The following RCAN2 variants were observed in gnomAD, a reference collection of about 807,000 sequenced individuals.
The protein encoded by RCAN2 is regulator of calcineurin 2.
RCAN2 carries 9 observed loss-of-function variants against 23.6 expected under a neutral mutation model. The observed-to-expected ratio is 0.38, with a 90% CI of 0.23 to 0.67. RCAN2 has a LOEUF of 0.67. RCAN2 is among the 30% of genes least tolerant of loss of function. RCAN2 has a pLI of 0.51. For missense variants in RCAN2, 273 were observed against 302.3 expected (o/e 0.90, Z 0.72); for synonymous variants, 109 against 115.7 (o/e 0.94, Z 0.37).
intron 2 of RCAN2, among the ~76,000 whole-genome samples, chr6:46,415,726 G>A (rs543911467): frequency 1.3e-5 from 2 of 152,240 alleles, no homozygotes; most frequent in Non-Finnish European, 1.5e-5. Flanking sequence ...ATAAACTAGG[G>A]TGATGCCCAG....
chr6:46,325,128 G>T (rs1437852689), intron 2 of RCAN2, among the ~76,000 whole-genome samples: 1 of 152,186 alleles, frequency 6.6e-6, no homozygotes, highest in African/African-American at 2.4e-5. Flanking sequence ...ATGAAAATGT[G>T]TCTACTCAGA....
chr6:46,303,484 T>C (rs1762972497), intron 2 of RCAN2, among the ~76,000 whole-genome samples: 1 of 152,124 alleles, frequency 6.6e-6, no homozygotes, highest in African/African-American at 2.4e-5. Context: ...TACTTGACCA[T>C]GAGGCCTTGG....
chr6:46,438,312 G>A (rs931328714), intron 2 of RCAN2: 3 of 152,236 alleles, frequency 2.0e-5, no homozygotes, highest in African/African-American at 4.8e-5. Context: ...TGGCAGTCAT[G>A]GCTCTGTGCT....
At chr6:46,265,425 G>A (rs562565617) in intron 2 of RCAN2, among the ~76,000 whole-genome samples, 2 of 152,244 alleles carry the variant, frequency 1.3e-5, no homozygotes, top group South Asian at 2.1e-4. Context: ...AGAAATGAAA[G>A]TTTAGGGACA....
intron 2 of RCAN2, among the ~76,000 whole-genome samples, chr6:46,354,956 T>A (rs1484532663): frequency 6.7e-6 from 1 of 149,154 alleles, no homozygotes; most frequent in African/African-American, 2.5e-5. Context: ...TTAGGCAGAA[T>A]GCCACATTAA....
chr6:46,309,144 T>C (rs1229994435), intron 2 of RCAN2, among the ~76,000 whole-genome samples: 2 of 152,160 alleles, frequency 1.3e-5, no homozygotes, highest in African/African-American at 2.4e-5. Flanking sequence ...GTAATGATGA[T>C]ATAGTCCACA....
At chr6:46,431,003 A>G (rs934443236) in intron 2 of RCAN2, among the ~76,000 whole-genome samples, 3 of 152,168 alleles carry the variant, frequency 2.0e-5, no homozygotes, top group Admixed American at 2.0e-4. Flanking sequence ...ATAATTAATG[A>G]ATGAAGACAG....
At chr6:46,408,864 G>A (rs1166353578) in intron 2 of RCAN2, among the ~76,000 whole-genome samples, 1 of 152,122 alleles carries the variant, frequency 6.6e-6, no homozygotes. Context: ...CTGGTATCCT[G>A]TTTACTCCTA....
chr6:46,322,490 C>T (rs1273748046), intron 2 of RCAN2, among the ~76,000 whole-genome samples: 2 of 152,202 alleles, frequency 1.3e-5, no homozygotes, highest in East Asian at 1.9e-4. Context: ...ATACAATCAG[C>T]TGAGAGCCAC....
intron 2 of RCAN2, among the ~76,000 whole-genome samples, chr6:46,395,202 A>G (rs1311499866): frequency 6.6e-6 from 1 of 152,206 alleles, no homozygotes; most frequent in African/African-American, 2.4e-5. Context: ...GGCAAGAGAC[A>G]TGCATTAAGG....
intron 2 of RCAN2, among the ~76,000 whole-genome samples, chr6:46,337,621 C>T (rs750386652): frequency 2.0e-5 from 3 of 152,218 alleles, no homozygotes; most frequent in African/African-American, 4.8e-5. Context: ...CCACCTTCCA[C>T]CCCACTCACC....
chr6:46,393,882 C>T (rs1265346334), intron 2 of RCAN2, among the ~76,000 whole-genome samples: 1 of 152,120 alleles, frequency 6.6e-6, no homozygotes, highest in Non-Finnish European at 1.5e-5. Context: ...CCAATATGAC[C>T]AACACTCTTA....
chr6:46,341,689 T>G (rs925951375), intron 2 of RCAN2, among the ~76,000 whole-genome samples: 4 of 152,052 alleles, frequency 2.6e-5, no homozygotes, highest in African/African-American at 9.7e-5. Flanking sequence ...TCCCAGCTAC[T>G]CAGGAGGCTG....
At chr6:46,491,570 C>A (rs1385381834), upstream of RCAN2, among the ~76,000 whole-genome samples, 1 of 152,054 alleles carries the variant, frequency 6.6e-6, no homozygotes, top group African/African-American at 2.4e-5. Flanking sequence ...TGTCTGGCCT[C>A]TTCTCATCTC....
chr6:46,364,594 C>G (rs554686996), intron 2 of RCAN2, among the ~76,000 whole-genome samples: 1 of 152,276 alleles, frequency 6.6e-6, no homozygotes, highest in African/African-American at 2.4e-5. Context: ...GCCTGAGACC[C>G]TAGGGGTCGT....
chr6:46,316,133 T>C (rs1175770626), intron 2 of RCAN2, among the ~76,000 whole-genome samples: 1 of 152,096 alleles, frequency 6.6e-6, no homozygotes, highest in East Asian at 1.9e-4. Flanking sequence ...GGGAAGAGTT[T>C]GATATAATGA....
chr6:46,244,306 T>C (rs1766434015), intron 4 of RCAN2, among the ~76,000 whole-genome samples: 1 of 152,170 alleles, frequency 6.6e-6, no homozygotes, highest in African/African-American at 2.4e-5. Flanking sequence ...GACCATTTCC[T>C]TCCTCCCTCT....
At chr6:46,479,768 C>T (rs1359565167) in intron 1 of RCAN2, among the ~76,000 whole-genome samples, 4 of 151,816 alleles carry the variant, frequency 2.6e-5, no homozygotes, top group Admixed American at 6.6e-5. Flanking sequence ...TTTTTAGTAA[C>T]GATGGGGTTT....
intron 2 of RCAN2, among the ~76,000 whole-genome samples, chr6:46,286,602 T>C (rs765331202): frequency 1.3e-4 from 20 of 152,154 alleles, no homozygotes; most frequent in South Asian, 2.1e-4. Flanking sequence ...AGGATTGGCA[T>C]GATTCTTGAG....
Sources: gnomAD v4.1 joint callset for allele counts (sites outside exome capture counted in the v4.1 genomes callset) on GRCh38, gnomAD v4.1.1 for gene constraint, MANE v1.5 for transcripts, NCBI Gene and HGNC (gene_info 2026-07-23, HGNC 2026-07-21) for gene names.